Variants in SPIDR observed in about 807,000 individuals in gnomAD.
SPIDR encodes the protein DNA repair-scaffolding protein.
In SPIDR, 93 loss-of-function variants were observed where a neutral mutation model predicts 104.6. The ratio of observed to expected loss-of-function variants is 0.89; its 90% CI spans 0.75 to 1.06. The LOEUF is 1.06. Among genes scored for constraint, SPIDR ranks in the 50% least tolerant of loss-of-function variants. The pLI, the probability that SPIDR is intolerant of heterozygous loss-of-function variation, is 0.00. For missense variants in SPIDR, 1,154 were observed against 1,111.2 expected (o/e 1.04, Z -0.55); for synonymous variants, 431 against 416.9 (o/e 1.03, Z -0.41).
intron 8 of SPIDR, among the ~76,000 whole-genome samples, chr8:47,540,715 C>T (rs1030732293): frequency 6.6e-6 from 1 of 152,124 alleles, no homozygotes; most frequent in Admixed American, 6.6e-5. Context: ...CCCCCCATTG[C>T]CCCTAGATAG....
intron 5 of SPIDR, among the ~76,000 whole-genome samples, chr8:47,323,782 A>T (rs1444343295): frequency 6.6e-6 from 1 of 152,062 alleles, no homozygotes; most frequent in African/African-American, 2.4e-5. Context: ...TTAGAAGTAG[A>T]ATTAGTCTTC....
intron 8 of SPIDR, among the ~76,000 whole-genome samples, chr8:47,559,474 C>G: frequency 6.6e-6 from 1 of 152,226 alleles, no homozygotes; most frequent in East Asian, 1.9e-4. Context: ...GACCCCCTCC[C>G]CTGTGAGCTG....
intron 8 of SPIDR, among the ~76,000 whole-genome samples, chr8:47,584,760 C>G (rs937729919): frequency 6.6e-6 from 1 of 152,168 alleles, no homozygotes; most frequent in African/African-American, 2.4e-5. Context: ...GTTTATAACA[C>G]CTTTCATCCA....
chr8:47,437,076 C>T (rs1424073171), intron 7 of SPIDR, among the ~76,000 whole-genome samples: 6 of 152,186 alleles, frequency 3.9e-5, no homozygotes, highest in African/African-American at 1.4e-4. Flanking sequence ...TACTGGAATA[C>T]TGTCAAGATT....
At chr8:47,691,768 T>A (rs2078688876) in intron 11 of SPIDR, among the ~76,000 whole-genome samples, 1 of 152,214 alleles carries the variant, frequency 6.6e-6, no homozygotes, top group African/African-American at 2.4e-5. Flanking sequence ...CCCGCTCCTG[T>A]GGCTTAGCAG....
chr8:47,669,859 G>A (rs1465540695), intron 10 of SPIDR, among the ~76,000 whole-genome samples: 3 of 152,100 alleles, frequency 2.0e-5, no homozygotes, highest in African/African-American at 7.2e-5. Flanking sequence ...AATTAGCCGG[G>A]CGTGGTGGCA....
chr8:47,436,717 C>A (rs1431205619), intron 7 of SPIDR, among the ~76,000 whole-genome samples: 1 of 152,198 alleles, frequency 6.6e-6, no homozygotes, highest in Non-Finnish European at 1.5e-5. Flanking sequence ...CAGAGCAAGA[C>A]CCTGTCTCTA....
chr8:47,621,838 G>T (rs1371612635), intron 10 of SPIDR, among the ~76,000 whole-genome samples: 1 of 152,206 alleles, frequency 6.6e-6, no homozygotes, highest in Non-Finnish European at 1.5e-5. Flanking sequence ...GATGGTGGGT[G>T]CCTGTAGTCC....
At chr8:47,471,470 C>T (rs1009689328) in intron 8 of SPIDR, among the ~76,000 whole-genome samples, 2 of 151,954 alleles carry the variant, frequency 1.3e-5, no homozygotes, top group Admixed American at 1.3e-4. Context: ...ATCAAAGCCG[C>T]AATGAAATAC....
intron 14 of SPIDR, among the ~76,000 whole-genome samples, chr8:47,707,901 G>A (rs930809165): frequency 1.7e-4 from 26 of 152,240 alleles, no homozygotes; most frequent in African/African-American, 6.3e-4. Context: ...AAAATTAATT[G>A]GGCATATTTG....
At chr8:47,519,090 T>TA (rs1431275778) in intron 8 of SPIDR, among the ~76,000 whole-genome samples, 12 of 152,200 alleles carry the variant, frequency 7.9e-5, no homozygotes, top group African/African-American at 2.9e-4. Context: ...AAGAAAATGA[T>TA]AGAGTGGACA....
chr8:47,422,317 C>T (rs1317183558), intron 7 of SPIDR, among the ~76,000 whole-genome samples: 1 of 152,178 alleles, frequency 6.6e-6, no homozygotes, highest in African/African-American at 2.4e-5. Context: ...GGCGGGCTCC[C>T]CTCCCCCAGC....
chr8:47,478,232 C>T (rs782771436), intron 8 of SPIDR, among the ~76,000 whole-genome samples: 2 of 152,136 alleles, frequency 1.3e-5, no homozygotes, highest in African/African-American at 2.4e-5. Context: ...GACAAACACA[C>T]CTCTGAGGAA....
chr8:47,642,738 G>A (rs764078110), intron 10 of SPIDR, among the ~76,000 whole-genome samples: 5 of 151,958 alleles, frequency 3.3e-5, no homozygotes, highest in East Asian at 1.9e-4. Flanking sequence ...GTGAGACCCC[G>A]TCTCTACTAA....
intron 8 of SPIDR, among the ~76,000 whole-genome samples, chr8:47,531,514 C>G (rs776600184): frequency 1.3e-5 from 2 of 152,340 alleles, no homozygotes; most frequent in African/African-American, 4.8e-5. Flanking sequence ...ACACCGTGAA[C>G]ATTCCTCAAC....
chr8:47,402,114 C>G (rs2061982953), intron 6 of SPIDR, among the ~76,000 whole-genome samples: 1 of 152,186 alleles, frequency 6.6e-6, no homozygotes, highest in South Asian at 2.1e-4. Flanking sequence ...TGTAAAAGAA[C>G]AGAAATTATA....
chr8:47,727,888 G>A (rs2084520389), intron 17 of SPIDR, among the ~76,000 whole-genome samples: 1 of 151,488 alleles, frequency 6.6e-6, no homozygotes, highest in Admixed American at 6.6e-5. Context: ...GGAGGCCAAG[G>A]CAGGCGGATC....
intron 8 of SPIDR, among the ~76,000 whole-genome samples, chr8:47,577,649 G>A (rs183452563): frequency 6.6e-6 from 1 of 152,330 alleles, no homozygotes; most frequent in Non-Finnish European, 1.5e-5. Flanking sequence ...GGGGATCCTG[G>A]AAGCAATCCC....
chr8:47,491,717 C>T (rs1000470993), intron 8 of SPIDR, among the ~76,000 whole-genome samples: 5 of 151,930 alleles, frequency 3.3e-5, no homozygotes, highest in African/African-American at 9.7e-5. Flanking sequence ...GGCATGGTGG[C>T]GTACACCTGT....
Sources: gnomAD v4.1 joint callset for allele counts (sites outside exome capture counted in the v4.1 genomes callset) on GRCh38, gnomAD v4.1.1 for gene constraint, MANE v1.5 for transcripts, NCBI Gene and HGNC (gene_info 2026-07-23, HGNC 2026-07-21) for gene names.